ZCCHC10: variants seen among roughly 807,000 people sequenced by gnomAD.
The protein encoded by ZCCHC10 is zinc finger CCHC domain-containing protein 10.
A neutral mutation model predicts 19.5 loss-of-function variants in ZCCHC10; 16 were observed. That is an observed-to-expected ratio of 0.82 (90% confidence interval 0.56 to 1.25). The LOEUF is 1.25. ZCCHC10 is among the 50% of genes most tolerant of loss of function. The pLI is 0.00. For synonymous variants in ZCCHC10, 67 were observed against 72.5 expected, an observed-to-expected ratio of 0.92 and a Z score of 0.38; for missense variants, 197 against 201.0, an observed-to-expected ratio of 0.98 and a Z score of 0.12.
intron 2 of ZCCHC10, among the ~76,000 whole-genome samples, chr5:133,010,954 G>A (rs1763464877): frequency 6.7e-6 from 1 of 149,332 alleles, no homozygotes; most frequent in Admixed American, 6.7e-5. Flanking sequence ...ACCACACCCA[G>A]CTAGTTTTTG....
intron 3 of ZCCHC10, among the ~76,000 whole-genome samples, chr5:133,005,987 T>TC (rs1247145812): frequency 7.1e-6 from 1 of 140,716 alleles, no homozygotes; most frequent in African/African-American, 2.6e-5. Context: ...GCTTTTTTTT[T>TC]TTTTTTTTTT....
rs1314433394 is a variant in ZCCHC10, at chr5:133,023,224, G to T, written c.42-318C>A. Among the ~76,000 whole-genome samples the T allele has an allele frequency of 2.0e-5, 3 of 152,234 alleles. No homozygotes were observed. The East Asian group carries it at 5.8e-4, about 29-fold the overall frequency. ...ATGACGACTCTGGATGTTGAAGAAG[G>T]AGTAGTGGAATCTCATATAAGGTTT... On this transcript the variant is annotated intron_variant, in intron 1 of 4. Transcript: ENST00000509437.
intron 2 of ZCCHC10, among the ~76,000 whole-genome samples, chr5:133,017,319 G>C (rs1471694930): frequency 6.6e-6 from 1 of 152,044 alleles, no homozygotes; most frequent in Non-Finnish European, 1.5e-5. Flanking sequence ...CTTTAGGATT[G>C]CATTGTTCAG....
At chr5:133,005,217 A>G (rs968465608) in intron 3 of ZCCHC10, among the ~76,000 whole-genome samples, 4 of 151,996 alleles carry the variant, frequency 2.6e-5, no homozygotes, top group African/African-American at 9.7e-5. Flanking sequence ...AATCACATGA[A>G]CCTGGGAAGC....
intron 1 of ZCCHC10, among the ~76,000 whole-genome samples, chr5:133,023,635 G>C (rs141826746): frequency 4.0e-5 from 6 of 151,726 alleles, no homozygotes; most frequent in Admixed American, 4.0e-4. Flanking sequence ...TTAGCCAGGC[G>C]GGTAGCACAT....
intron 2 of ZCCHC10, among the ~76,000 whole-genome samples, chr5:133,018,817 T>G (rs1171368410): frequency 6.6e-6 from 1 of 152,112 alleles, no homozygotes; most frequent in African/African-American, 2.4e-5. Context: ...CCTCATAGAG[T>G]CACATAGCCA....
At chr5:133,013,146 T>C (rs1219736473) in intron 2 of ZCCHC10, among the ~76,000 whole-genome samples, 2 of 147,618 alleles carry the variant, frequency 1.4e-5, no homozygotes, top group East Asian at 4.0e-4. Flanking sequence ...TGGTCCCAGC[T>C]ACTTGGGAGG....
At chr5:133,001,876 C>G (rs112164536) in intron 3 of ZCCHC10, among the ~76,000 whole-genome samples, 2,385 of 150,080 alleles carry the variant, frequency 0.016, 30 homozygotes, top group Middle Eastern at 0.039. Flanking sequence ...GAATTACTTA[C>G]TGAATTGTCA....
At chr5:133,006,697 C>T in intron 3 of ZCCHC10, 62 bp downstream of exon 3, 4 of 1,457,690 alleles carry the variant, frequency 2.7e-6, no homozygotes, top group Admixed American at 2.4e-5. Flanking sequence ...ACGTTTGGTC[C>T]TTTAATAAAT....
Position 133,006,808 on chromosome 5 carries a change from G to C in ZCCHC10, c.220C>G (p.Leu74Val), listed in dbSNP as rs1252526649. ...YLHRPSRTAE[L>V]KKALKEKENR... is the part of the protein sequence containing the mutation. ...TCTTTTTCTTTTAAAGCTTTCTTTA[G>C]TTCTGCTGTCCTTGAGGGCCTATGT... The change falls in exon 3 of 5, where the codon CTA becomes GTA. Residue 74 changes from leucine to valine, a missense_variant. Physicochemically the swap from Leu to Val is conservative, Grantham distance 32. Transcript: ENST00000509437. The C allele has an allele frequency of 2.5e-6, 4 of 1,610,622 alleles. No individual in the cohort carries two copies. Among genetic ancestry groups the C allele is most frequent in the Non-Finnish European group, 3.4e-6 (4 of 1,179,144 alleles).
intron 2 of ZCCHC10, among the ~76,000 whole-genome samples, chr5:133,010,290 C>A (rs1048106082): frequency 1.3e-5 from 2 of 152,046 alleles, no homozygotes; most frequent in Non-Finnish European, 2.9e-5. Flanking sequence ...CTCAGGCAAT[C>A]CACTTGCCTC....
intron 1 of ZCCHC10, among the ~76,000 whole-genome samples, 168 bp downstream of exon 1, chr5:133,026,329 C>T (rs1363614414): frequency 6.6e-6 from 1 of 152,236 alleles, no homozygotes; most frequent in Non-Finnish European, 1.5e-5. Flanking sequence ...AAATCGCTAA[C>T]CCCCGGTCAC....
intron 2 of ZCCHC10, among the ~76,000 whole-genome samples, chr5:133,014,325 A>G (rs766253725): frequency 6.6e-6 from 1 of 151,746 alleles, no homozygotes; most frequent in Non-Finnish European, 1.5e-5. Context: ...ACGCCTGGCT[A>G]ATTTTTTTTT....
At chr5:133,004,104 A>G (rs1389349310) in intron 3 of ZCCHC10, among the ~76,000 whole-genome samples, 1 of 152,142 alleles carries the variant, frequency 6.6e-6, no homozygotes, top group African/African-American at 2.4e-5. Flanking sequence ...TTTGGCATCA[A>G]TTAAATTCCT....
intron 3 of ZCCHC10, among the ~76,000 whole-genome samples, chr5:133,001,953 CTTTTTT>C (rs34331639): frequency 1.3e-5 from 1 of 77,840 alleles, no homozygotes; most frequent in Non-Finnish European, 2.5e-5. Context: ...ATTCAGCAAT[CTTTTTT>C]TTTTTTTTTT....
intron 2 of ZCCHC10, among the ~76,000 whole-genome samples, chr5:133,018,306 A>ATT (rs879292993): frequency 7.0e-6 from 1 of 143,420 alleles, no homozygotes; most frequent in African/African-American, 2.6e-5. Flanking sequence ...CAGCAAGCTG[A>ATT]TTTTTTTTTT....
At chr5:133,013,377 C>T (rs917839891) in intron 2 of ZCCHC10, among the ~76,000 whole-genome samples, 1 of 151,796 alleles carries the variant, frequency 6.6e-6, no homozygotes, top group African/African-American at 2.4e-5. Context: ...CACTACACAA[C>T]TCCCAGAAAG....
In ZCCHC10 at chr5:133,026,486, TCCTTACTTACGCTTGTCTC is replaced by T; in HGVS notation, c.33_41+10del. 1.2e-6 allele frequency: 2 copies of T among 1,613,384 alleles called. No individual in the cohort carries two copies. The highest frequency in any genetic ancestry group is 1.7e-6 in the Non-Finnish European group (2 of 1,179,842). On this transcript the variant is annotated splice_donor_variant and splice_donor_5th_base_variant and coding_sequence_variant and intron_variant, in exon 1 of 5. Transcript: ENST00000509437. LOFTEE classifies it high-confidence loss of function. ...AGCCCTCCAGTGGACCCGAACCGGA[TCCTTACTTACGCTTGTCTC>T]CGGGCTATTAGCCGATGCATGGGAG...
At chr5:133,000,208 A>T in intron 3 of ZCCHC10, 35 bp from the exon 4 acceptor site, 1 of 1,612,972 alleles carries the variant, frequency 6.2e-7, no homozygotes, top group South Asian at 1.1e-5. Flanking sequence ...GCTCCTGTTA[A>T]TAGAGTGATT....
Sources: gnomAD v4.1 joint callset for allele counts (sites outside exome capture counted in the v4.1 genomes callset) on GRCh38, gnomAD v4.1.1 for gene constraint, MANE v1.5 for transcripts, NCBI Gene and HGNC (gene_info 2026-07-23, HGNC 2026-07-21) for gene names.